Variants in PTPRQ observed in about 807,000 individuals in gnomAD.
PTPRQ encodes phosphatidylinositol phosphatase PTPRQ.
A neutral mutation model predicts 246.0 loss-of-function variants in PTPRQ; 199 were observed. The ratio of observed to expected loss-of-function variants is 0.81; its 90% CI spans 0.72 to 0.91. The LOEUF (loss-of-function observed/expected upper bound fraction) is 0.91, where lower values mean the gene tolerates loss of function less well. Among genes scored for constraint, PTPRQ ranks in the 40% least tolerant of loss-of-function variants. The pLI is 0.00. For missense variants in PTPRQ, 2,624 were observed against 2,528.4 expected (o/e 1.04, Z -0.81); for synonymous variants, 869 against 853.2 (o/e 1.02, Z -0.32).
chr12:80,462,234 T>C (rs1000226754), intron 6 of PTPRQ, among the ~76,000 whole-genome samples: 27 of 152,064 alleles, frequency 1.8e-4, no homozygotes, highest in Non-Finnish European at 8.8e-5. Flanking sequence ...GCTCAGGGGG[T>C]CCTACCCCCA....
At chr12:80,621,845 C>G (rs1273163046) in intron 32 of PTPRQ, among the ~76,000 whole-genome samples, 1 of 151,946 alleles carries the variant, frequency 6.6e-6, no homozygotes. Context: ...TAGCCCCTGC[C>G]TCATCAAATT....
intron 16 of PTPRQ, among the ~76,000 whole-genome samples, chr12:80,509,884 G>A (rs1472939996): frequency 6.6e-6 from 1 of 151,992 alleles, no homozygotes; most frequent in Non-Finnish European, 1.5e-5. Flanking sequence ...CATTTTAACT[G>A]CTTTCTCAAT....
chr12:80,490,860 G>T (rs1194135662), intron 9 of PTPRQ, among the ~76,000 whole-genome samples: 9 of 151,674 alleles, frequency 5.9e-5, no homozygotes, highest in African/African-American at 1.9e-4. Flanking sequence ...CAACATTTTT[G>T]CTTTTAATAT....
chr12:80,534,584 T>A (rs982005257), intron 18 of PTPRQ, among the ~76,000 whole-genome samples: 1 of 152,056 alleles, frequency 6.6e-6, no homozygotes, highest in Non-Finnish European at 1.5e-5. Flanking sequence ...TTTCAAATTA[T>A]GTATTTTGTA....
At chr12:80,671,497 A>T (rs1159291375) in intron 42 of PTPRQ, among the ~76,000 whole-genome samples, 2 of 152,158 alleles carry the variant, frequency 1.3e-5, no homozygotes, top group Admixed American at 1.3e-4. Flanking sequence ...TTTAGCCTCA[A>T]AAAGAATAGA....
intron 14 of PTPRQ, among the ~76,000 whole-genome samples, chr12:80,497,175 T>C (rs1894655210): frequency 6.6e-6 from 1 of 151,896 alleles, no homozygotes; most frequent in African/African-American, 2.4e-5. Context: ...ATTATTACAT[T>C]GTAACATATA....
chr12:80,678,597 T>C lies in PTPRQ; in HGVS notation c.6739-5T>C. The C allele has an allele frequency of 6.5e-7, 1 of 1,544,944 alleles. No homozygotes were observed. The highest frequency in any genetic ancestry group is 8.7e-7 in the Non-Finnish European group (1 of 1,143,894). ...TTGTTTAACCACTCTGTCTTTGGTG[T>C]CTAGGCACAGTATATCTTTTTACAC... On this transcript the variant is annotated splice_region_variant and splice_polypyrimidine_tract_variant and intron_variant, in intron 43 of 44. Transcript: ENST00000644991.
chr12:80,447,718 G>A (rs1449684059), intron 3 of PTPRQ, among the ~76,000 whole-genome samples: 1 of 150,384 alleles, frequency 6.6e-6, no homozygotes, highest in Non-Finnish European at 1.5e-5. Context: ...GTAGGTATGT[G>A]ACTTTATTTC....
At chr12:80,505,718 T>C (rs921035484) in intron 14 of PTPRQ, among the ~76,000 whole-genome samples, 3 of 151,948 alleles carry the variant, frequency 2.0e-5, no homozygotes, top group African/African-American at 7.2e-5. Flanking sequence ...AAATTCTCTT[T>C]CTTGCATCTG....
intron 19 of PTPRQ, among the ~76,000 whole-genome samples, chr12:80,537,845 C>T (rs763107092): frequency 2.6e-5 from 4 of 152,166 alleles, no homozygotes; most frequent in Non-Finnish European, 4.4e-5. Flanking sequence ...TGTGGTGGCT[C>T]ACGCCTGTAA....
intron 9 of PTPRQ, among the ~76,000 whole-genome samples, chr12:80,485,990 T>C (rs944014535): frequency 6.6e-6 from 1 of 152,168 alleles, no homozygotes; most frequent in Non-Finnish European, 1.5e-5. Context: ...ATTTTGTCTC[T>C]CACTGTGCTA....
intron 35 of PTPRQ, among the ~76,000 whole-genome samples, chr12:80,636,471 C>T (rs2121182189): frequency 6.6e-6 from 1 of 152,256 alleles, no homozygotes; most frequent in Non-Finnish European, 1.5e-5. Context: ...CCCTATGGGC[C>T]AAATGAATTT....
rs1225039573 is a variant in PTPRQ, at chr12:80,678,846, T to C, written c.6862+121T>C. 6 of 1,431,938 alleles carry C rather than the reference T, an allele frequency of 4.2e-6. No homozygotes were observed. In the Admixed American group the frequency reaches 1.8e-4, roughly 43 times the overall value. The allele number at this position is 1,431,938 out of a possible 1,614,324, so 88.7% of individuals were successfully genotyped here. ...AAGCTGGATTAGTGCACAGATCAGG[T>C]TTTTTTTCTTTAACTTTTCTCTAAT... On this transcript the variant is annotated intron_variant, in intron 44 of 44. Coordinates refer to ENST00000644991, the MANE Select transcript of PTPRQ (RefSeq NM_001145026.2).
At chr12:80,668,209 C>G (rs1335965466) in intron 39 of PTPRQ, among the ~76,000 whole-genome samples, 1 of 151,838 alleles carries the variant, frequency 6.6e-6, no homozygotes, top group African/African-American at 2.4e-5. Context: ...TAAAAGAAAT[C>G]CACAGATACT....
At chr12:80,639,108 A>T (rs1899764196) in intron 35 of PTPRQ, among the ~76,000 whole-genome samples, 1 of 152,226 alleles carries the variant, frequency 6.6e-6, no homozygotes, top group African/African-American at 2.4e-5. Context: ...ACAGACCTGT[A>T]TCACTGAGAC....
chr12:80,459,931 G>A (rs1242950610), intron 5 of PTPRQ, among the ~76,000 whole-genome samples: 1 of 152,122 alleles, frequency 6.6e-6, no homozygotes, highest in Non-Finnish European at 1.5e-5. Flanking sequence ...TAATAGTTGA[G>A]GTTAAATTTG....
At chr12:80,459,749 A>T (rs911134213) in intron 5 of PTPRQ, among the ~76,000 whole-genome samples, 2 of 152,332 alleles carry the variant, frequency 1.3e-5, no homozygotes, top group Middle Eastern at 3.4e-3. Context: ...AAAAGACTTC[A>T]TCAAAGGAGT....
intron 17 of PTPRQ, among the ~76,000 whole-genome samples, chr12:80,513,118 T>C (rs987366416): frequency 2.6e-5 from 4 of 152,134 alleles, no homozygotes; most frequent in South Asian, 4.1e-4. Flanking sequence ...GTTAGCTCAG[T>C]TAGACCCCCT....
chr12:80,678,799 C>T, intron 44 of PTPRQ, 74 bp downstream of exon 44: 1 of 1,459,788 alleles, frequency 6.9e-7, no homozygotes, highest in East Asian at 2.5e-5. Flanking sequence ...TTCAGAATAA[C>T]CATATGTTAA....
Sources: allele counts gnomAD v4.1 joint callset (sites outside exome capture counted in the v4.1 genomes callset), GRCh38; gene constraint gnomAD v4.1.1; transcripts MANE v1.5; gene names NCBI Gene and HGNC (gene_info 2026-07-23, HGNC 2026-07-21).